BCAS3: variants seen among roughly 807,000 people sequenced by gnomAD.
The protein encoded by BCAS3 is BCAS3 microtubule associated cell migration factor, also known as BCAS4/BCAS3 fusion.
In BCAS3, 53 loss-of-function variants were observed where a neutral mutation model predicts 116.1. The observed-to-expected ratio is 0.46, with a 90% CI of 0.37 to 0.57. The LOEUF is 0.57. Among genes scored for constraint, BCAS3 ranks in the 20% least tolerant of loss-of-function variants. The probability of loss-of-function intolerance (pLI) is 0.00; values close to 1 mark genes in which losing one functional copy is unlikely to be tolerated. For missense variants in BCAS3, 917 were observed against 1,165.4 expected (o/e 0.79, Z 3.10); for synonymous variants, 391 against 408.2 (o/e 0.96, Z 0.51).
intron 5 of BCAS3, chr17:60,727,443 T>G: frequency 6.3e-7 from 1 of 1,581,008 alleles, no homozygotes; most frequent in African/African-American, 1.4e-5. Flanking sequence ...TTGCCACACT[T>G]CTTACAGAAG....
At chr17:61,163,372 C>T (rs987081276) in intron 22 of BCAS3, among the ~76,000 whole-genome samples, 1 of 150,622 alleles carries the variant, frequency 6.6e-6, no homozygotes, top group Non-Finnish European at 1.5e-5. Context: ...TGCAGTGAGC[C>T]GAGATCACGC....
Position 61,256,922 on chromosome 17 carries a change from G to A in BCAS3, c.2426-111405G>A, listed in dbSNP as rs1190545675. ...ATAAGTCTCTGAGTAATTCCTTGGA[G>A]GTGAACCTAGGTTCTCTTTGAGGTA... On this transcript the variant is annotated intron_variant, in intron 22 of 23. Transcript: ENST00000407086. The surrounding 1 kb of genome is among the most constrained non-coding windows in gnomAD (Gnocchi z 5.6). Among the ~76,000 whole-genome samples the A allele has an allele frequency of 2.0e-5, 3 of 152,040 alleles. No individual in the cohort carries two copies. Among genetic ancestry groups the A allele is most frequent in the Non-Finnish European group, 4.4e-5 (3 of 68,002 alleles).
At chr17:61,274,115 C>A (rs1477926035) in intron 22 of BCAS3, among the ~76,000 whole-genome samples, 1 of 151,096 alleles carries the variant, frequency 6.6e-6, no homozygotes, top group African/African-American at 2.4e-5. Context: ...CCCACTCCCC[C>A]CACCCCACAA....
chr17:60,907,910 T>C (rs942659590), intron 11 of BCAS3, among the ~76,000 whole-genome samples: 1 of 152,210 alleles, frequency 6.6e-6, no homozygotes, highest in Admixed American at 6.5e-5. Context: ...AGTTAACTTC[T>C]GGACACTAGT....
At chr17:60,684,274 G>T (rs2033697452) in intron 3 of BCAS3, among the ~76,000 whole-genome samples, 1 of 152,104 alleles carries the variant, frequency 6.6e-6, no homozygotes. Flanking sequence ...AAGGTGAATT[G>T]TTAGTAGAGA....
In BCAS3 at chr17:61,279,875, T is replaced by A. The variant is rs2144662790; in HGVS notation, c.2426-88452T>A. Among the ~76,000 whole-genome samples the A allele has an allele frequency of 6.6e-6, 1 of 152,154 alleles. No homozygotes were observed. Among genetic ancestry groups the A allele is most frequent in the Non-Finnish European group, 1.5e-5 (1 of 68,000 alleles). ...GTGGCAGTACCAGCTTTGCTAAATCTCCTTTGGCTCACTTTTTCTCCCTCT... is the reference window on the plus strand; with the variant it reads ...GTGGCAGTACCAGCTTTGCTAAATCACCTTTGGCTCACTTTTTCTCCCTCT... On this transcript the variant is annotated intron_variant, in intron 22 of 23. Transcript: ENST00000407086. This position sits in a 1 kb window ranked among gnomAD's most constrained non-coding sequence, Gnocchi z 4.4.
At chr17:60,838,585 T>C (rs1456916631) in intron 7 of BCAS3, among the ~76,000 whole-genome samples, 1 of 151,446 alleles carries the variant, frequency 6.6e-6, no homozygotes, top group Non-Finnish European at 1.5e-5. Flanking sequence ...CTGCAAGAAA[T>C]ATTTTAGGTT....
rs1282390615 is a variant in BCAS3 at position 61,259,152 on chromosome 17, T to G, written c.2426-109175T>G. 6.6e-6 allele frequency among the ~76,000 whole-genome samples: 1 copy of G among 152,256 alleles called. No individual in the cohort carries two copies. The highest frequency in any genetic ancestry group is 1.5e-5 in the Non-Finnish European group (1 of 68,046). ...AGGAGGCAGAAGAGTGGGAATTGTT[T>G]AGCATAGTACCTGGTACTTGGTAGC... On this transcript the variant is annotated intron_variant, in intron 22 of 23. Coordinates refer to ENST00000407086, the MANE Select transcript of BCAS3 (RefSeq NM_017679.5). This position sits in a 1 kb window ranked among gnomAD's most constrained non-coding sequence, Gnocchi z 4.7.
intron 22 of BCAS3, among the ~76,000 whole-genome samples, chr17:61,262,577 C>T (rs531147769): frequency 2.1e-4 from 32 of 152,198 alleles, no homozygotes; most frequent in Admixed American, 3.3e-4. Flanking sequence ...GGTGAGGTTT[C>T]GCCATGTTGA....
At position 61,156,295 on chromosome 17, in the gene BCAS3, C is replaced by G. The variant is rs866463447; in HGVS notation, c.2425+71731C>G. On this transcript the variant is annotated intron_variant, in intron 22 of 23. Transcript: ENST00000407086. The surrounding 1 kb of genome is among the most constrained non-coding windows in gnomAD (Gnocchi z 4.7). ...GATTGGAATTGAGCCTGGTAAAATT[C>G]CTTAGGTCTAAAACTGGAATCTCAG... 1.3e-5 allele frequency among the ~76,000 whole-genome samples: 2 copies of G among 152,068 alleles called. No homozygotes were observed. The highest frequency in any genetic ancestry group is 1.5e-5 in the Non-Finnish European group (1 of 68,016).
chr17:61,272,667 A>AAAG (rs1568723469), intron 22 of BCAS3, among the ~76,000 whole-genome samples: 1 of 140,172 alleles, frequency 7.1e-6, no homozygotes, highest in Non-Finnish European at 1.5e-5. Flanking sequence ...AAAAAAAAAA[A>AAAG]GCAATTTTGA....
chr17:60,939,495 A>G (rs746954429), intron 13 of BCAS3, among the ~76,000 whole-genome samples: 1 of 152,200 alleles, frequency 6.6e-6, no homozygotes, highest in Non-Finnish European at 1.5e-5. Context: ...TGTGGTATGT[A>G]TTTAAAATGG....
rs1250867867 is a variant in BCAS3, at chr17:61,106,098, C to G, written c.2425+21534C>G. ...TAACCTTTATTTTACTTAATGGCCC[C>G]AAAGCACAAGGGTTGATGCTGGCAT... On this transcript the variant is annotated intron_variant, in intron 22 of 23. Coordinates refer to ENST00000407086, the MANE Select transcript of BCAS3 (RefSeq NM_017679.5). The surrounding 1 kb of genome is among the most constrained non-coding windows in gnomAD (Gnocchi z 4.2). Among the ~76,000 whole-genome samples, 1 of 152,106 alleles carries G rather than the reference C, an allele frequency of 6.6e-6. No homozygotes were observed.
intron 5 of BCAS3, among the ~76,000 whole-genome samples, chr17:60,734,612 G>C (rs1438750675): frequency 2.6e-5 from 4 of 152,118 alleles, no homozygotes; most frequent in Non-Finnish European, 5.9e-5. Context: ...TATTATCTGT[G>C]CTATTATGTC....
chr17:60,999,820 G>T (rs1476437614), intron 15 of BCAS3, among the ~76,000 whole-genome samples: 1 of 152,122 alleles, frequency 6.6e-6, no homozygotes, highest in Non-Finnish European at 1.5e-5. Flanking sequence ...TGTCATGTGT[G>T]ATTTCTTTCA....
intron 13 of BCAS3, among the ~76,000 whole-genome samples, chr17:60,934,882 G>A (rs1189472168): frequency 6.6e-6 from 1 of 152,220 alleles, no homozygotes; most frequent in Non-Finnish European, 1.5e-5. Flanking sequence ...TAAGAGGCTG[G>A]GTGCAGTGAC....
intron 22 of BCAS3, among the ~76,000 whole-genome samples, chr17:61,359,218 A>G (rs571819606): frequency 1.3e-5 from 2 of 152,286 alleles, no homozygotes; most frequent in East Asian, 3.9e-4. Context: ...CCACTGCCCC[A>G]AAGAAGAGCT....
At position 61,140,975 on chromosome 17, in the gene BCAS3, A is replaced by C. The variant is rs376912339; in HGVS notation, c.2425+56411A>C. ...TTTTCCCCCAAAAGTATAATAGTGA[A>C]ATGGGGCAGGCATGAAGCCCGTGAG... On this transcript the variant is annotated intron_variant, in intron 22 of 23. Transcript: ENST00000407086. This position sits in a 1 kb window ranked among gnomAD's most constrained non-coding sequence, Gnocchi z 4.2. Among the ~76,000 whole-genome samples, 12 of 152,142 alleles carry C rather than the reference A, an allele frequency of 7.9e-5. No individual in the cohort carries two copies. The South Asian group carries it at 1.5e-3, about 18-fold the overall frequency.
At chr17:61,268,964 A>ATATTCCCC (rs1400792757) in intron 22 of BCAS3, among the ~76,000 whole-genome samples, 2 of 151,992 alleles carry the variant, frequency 1.3e-5, no homozygotes, top group Non-Finnish European at 2.9e-5. Context: ...AGGCTGAATA[A>ATATTCCCC]TATTCCCCTG....
Sources: gnomAD v4.1 joint callset for allele counts (sites outside exome capture counted in the v4.1 genomes callset) on GRCh38, gnomAD v4.1.1 for gene constraint, Gnocchi (gnomAD v3.1) non-coding constraint, MANE v1.5 for transcripts, NCBI Gene and HGNC (gene_info 2026-07-23, HGNC 2026-07-21) for gene names.